The following ETFRF1 variants were observed in gnomAD, a reference collection of about 807,000 sequenced individuals.
The protein encoded by ETFRF1 is LYR motif containing 5.
In ETFRF1, 12 loss-of-function variants were observed where a neutral mutation model predicts 9.0. The observed-to-expected ratio is 1.34, with a 90% confidence interval of 0.86 to 2.16. ETFRF1 has a LOEUF of 2.16. Among genes scored for constraint, ETFRF1 ranks in the 30% most tolerant of loss-of-function variants. The pLI is 0.00. For missense variants in ETFRF1, 98 were observed against 101.8 expected (o/e 0.96, Z 0.16); for synonymous variants, 34 against 33.2 (o/e 1.02, Z -0.08).
intron 1 of ETFRF1, among the ~76,000 whole-genome samples, chr12:25,202,408 T>G: frequency 6.6e-6 from 1 of 150,706 alleles, no homozygotes; most frequent in South Asian, 2.1e-4. Flanking sequence ...CCTCTGGGGG[T>G]AGGGACTTGT....
In ETFRF1 at chr12:25,195,259, C is replaced by T; in HGVS notation, c.-116C>T. On this transcript the variant is annotated 5_prime_UTR_variant, in exon 1 of 3. Transcript: ENST00000381356. The stretch of plus-strand genomic sequence containing the variant: ...TTTACTGACAGGTTGCCCACCTCCC[C>T]CAACGCCACCCCGCTTCGCAGTAGA... The T allele has an allele frequency of 1.5e-6, 1 of 669,014 alleles. No homozygotes were observed. The highest frequency in any genetic ancestry group is 1.7e-5 in the South Asian group (1 of 59,514). 41.4% of individuals were successfully genotyped at this position (669,014 alleles called of 1,614,324 possible). A position where few individuals can be genotyped will look rare whatever the true frequency, so the allele number is the denominator to read the frequency against.
intron 1 of ETFRF1, 93 bp from the exon 2 acceptor site, chr12:25,203,827 A>T (rs936494029): frequency 2.9e-6 from 2 of 694,752 alleles, no homozygotes; most frequent in Admixed American, 7.7e-5. Context: ...ATTGAATGTA[A>T]AAAAGGTTAC....
At chr12:25,201,894 A>T (rs11047891) in intron 1 of ETFRF1, among the ~76,000 whole-genome samples, 6,273 of 151,692 alleles carry the variant, frequency 0.041, 422 homozygotes, top group African/African-American at 0.14. Context: ...CTATAAAATA[A>T]CCCTTAAAAC....
At position 25,203,904 on chromosome 12, in the gene ETFRF1, A is replaced by T. The variant is rs942615022; in HGVS notation, c.-37-16A>T. The T allele has an allele frequency of 1.2e-5, 17 of 1,363,190 alleles. No homozygotes were observed. In the East Asian group the frequency reaches 3.7e-4, roughly 30 times the overall value. The allele number at this position is 1,363,190 out of a possible 1,614,324, so 84.4% of individuals were successfully genotyped here. ...CTACAATGCAGCTAATTGCAAAAAA[A>T]TTTTCCTTTCTTTAGGTATGTTATG... On this transcript the variant is annotated splice_polypyrimidine_tract_variant and intron_variant, in intron 1 of 2. Coordinates refer to ENST00000381356, the MANE Select transcript of ETFRF1 (RefSeq NM_001001660.3).
chr12:25,201,492 T>C (rs1951072596), intron 1 of ETFRF1, among the ~76,000 whole-genome samples: 1 of 152,174 alleles, frequency 6.6e-6, no homozygotes, highest in South Asian at 2.1e-4. Context: ...TTAGAGGCTA[T>C]CTTGGTAGAG....
At chr12:25,195,439 G>A (rs1950967709) in intron 1 of ETFRF1, 102 bp downstream of exon 1, 2 of 472,498 alleles carry the variant, frequency 4.2e-6, no homozygotes, top group South Asian at 4.4e-5. Context: ...GTGGGAAGAG[G>A]GTTCTGAGCG....
intron 1 of ETFRF1, among the ~76,000 whole-genome samples, chr12:25,198,041 C>G (rs1356601442): frequency 6.6e-6 from 1 of 152,162 alleles, no homozygotes; most frequent in African/African-American, 2.4e-5. Context: ...ATTCACTCTG[C>G]AGAATTCTCA....
chr12:25,200,175 T>C (rs1487725380), intron 1 of ETFRF1, among the ~76,000 whole-genome samples: 1 of 151,168 alleles, frequency 6.6e-6, no homozygotes, highest in Non-Finnish European at 1.5e-5. Flanking sequence ...AGGCCATTGC[T>C]CTCCAGCGTG....
chr12:25,202,028 G>A (rs980614805), intron 1 of ETFRF1, among the ~76,000 whole-genome samples: 3 of 125,422 alleles, frequency 2.4e-5, no homozygotes, highest in African/African-American at 8.7e-5. Context: ...AGACCATCCC[G>A]GCCAACATGG....
At position 25,204,335 on chromosome 12, in the gene ETFRF1, A is replaced by G. The variant is rs572948177; in HGVS notation, c.*23A>G. On this transcript the variant is annotated 3_prime_UTR_variant, in exon 3 of 3. Transcript: ENST00000381356. ...TGATCATTACTACTTTAATTTAGCT[A>G]TCAGTGCCAGCTGTTTATGTATACC... 1.2e-5 allele frequency: 18 copies of G among 1,514,258 alleles called. No individual in the cohort carries two copies. The East Asian group carries it at 2.7e-4, about 23-fold the overall frequency. The allele number at this position is 1,514,258 out of a possible 1,614,324, so 93.8% of individuals were successfully genotyped here. A position where few individuals can be genotyped will look rare whatever the true frequency, so the allele number is the denominator to read the frequency against.
At chr12:25,203,587 G>A (rs1951094929) in intron 1 of ETFRF1, 1 of 174,722 alleles carries the variant, frequency 5.7e-6, no homozygotes. Context: ...TATGCAACTG[G>A]AATTTAAATC....
intron 1 of ETFRF1, among the ~76,000 whole-genome samples, chr12:25,202,061 T>TAAAAAAA (rs1951077531): frequency 1.8e-4 from 1 of 5,708 alleles, no homozygotes; most frequent in South Asian, 6.6e-3. Context: ...TCTACTGAAA[T>TAAAAAAA]ACAAAAAAAA....
chr12:25,202,315 T>G (rs1162637801), intron 1 of ETFRF1, among the ~76,000 whole-genome samples: 1 of 151,550 alleles, frequency 6.6e-6, no homozygotes, highest in Non-Finnish European at 1.5e-5. Flanking sequence ...AAGGCAGGCA[T>G]CTGGGGAAGG....
intron 1 of ETFRF1, among the ~76,000 whole-genome samples, chr12:25,199,396 ATACTAT>A (rs1176357257): frequency 2.0e-5 from 3 of 149,830 alleles, no homozygotes; most frequent in African/African-American, 7.3e-5. Context: ...TACATAGTAC[ATACTAT>A]GTAGTATATG....
intron 1 of ETFRF1, among the ~76,000 whole-genome samples, chr12:25,200,305 A>G (rs747677293): frequency 7.9e-5 from 12 of 152,196 alleles, no homozygotes; most frequent in Non-Finnish European, 1.2e-4. Flanking sequence ...CCAGGAAGGG[A>G]GAAAAAAGAA....
intron 1 of ETFRF1, among the ~76,000 whole-genome samples, chr12:25,197,488 G>A (rs1315885390): frequency 1.3e-5 from 2 of 151,294 alleles, no homozygotes; most frequent in Non-Finnish European, 3.0e-5. Context: ...TTTGAGACAG[G>A]GTCTCAAAAT....
At chr12:25,199,706 T>C (rs776530060) in intron 1 of ETFRF1, among the ~76,000 whole-genome samples, 10 of 151,736 alleles carry the variant, frequency 6.6e-5, no homozygotes, top group Non-Finnish European at 1.0e-4. Flanking sequence ...AAAGGTTGCC[T>C]TGTGCATCTT....
chr12:25,202,071 A>AAAAAAAAAAAAAAAAAAT (rs1951078495), intron 1 of ETFRF1, among the ~76,000 whole-genome samples: 1 of 141,246 alleles, frequency 7.1e-6, no homozygotes. Context: ...TACAAAAAAA[A>AAAAAAAAAAAAAAAAAAT]AAAAAAAAAA....
In ETFRF1 at chr12:25,204,888, ATAAC is replaced by A. The variant is rs1041976031; in HGVS notation, c.*583_*586del. 3.0e-5 allele frequency: 6 copies of A among 199,458 alleles called. No homozygotes were observed. The highest frequency in any genetic ancestry group is 1.6e-4 in the East Asian group (2 of 12,878). The allele number at this position is 199,458 out of a possible 1,614,324, so 12.4% of individuals were successfully genotyped here. A position where few individuals can be genotyped will look rare whatever the true frequency, so the allele number is the denominator to read the frequency against. On this transcript the variant is annotated 3_prime_UTR_variant, in exon 3 of 3. Transcript: ENST00000381356. ...CTGCTGGTGACTGGCATTAACATAC[ATAAC>A]TAACTATTCAATTATTTCCATTATT...
Sources: gnomAD v4.1 joint callset for allele counts (sites outside exome capture counted in the v4.1 genomes callset) on GRCh38, gnomAD v4.1.1 for gene constraint, MANE v1.5 for transcripts, NCBI Gene and HGNC (gene_info 2026-07-23, HGNC 2026-07-21) for gene names.